The following CCDC112 variants were observed in gnomAD, a reference collection of about 807,000 sequenced individuals.
The protein encoded by CCDC112 is coiled-coil domain-containing protein 112.
Under a neutral mutation model 66.3 loss-of-function variants are expected in CCDC112, and 40 were observed. The ratio of observed to expected loss-of-function variants is 0.60; its 90% CI spans 0.47 to 0.79. CCDC112 has a LOEUF of 0.79. Among genes scored for constraint, CCDC112 ranks in the 30% least tolerant of loss-of-function variants. CCDC112 has a pLI of 0.00. For synonymous variants in CCDC112, 214 were observed against 197.2 expected, an observed-to-expected ratio of 1.09 and a Z score of -0.71; for missense variants, 659 against 603.8, an observed-to-expected ratio of 1.09 and a Z score of -0.96.
intron 2 of CCDC112, among the ~76,000 whole-genome samples, chr5:115,284,407 T>C (rs1394709335): frequency 1.3e-5 from 2 of 152,144 alleles, no homozygotes; most frequent in African/African-American, 4.8e-5. Context: ...AACACTTTCA[T>C]ATACACATAA....
chr5:115,296,340 C>T (rs1750155326), intron 1 of CCDC112, 87 bp downstream of exon 1: 1 of 1,389,402 alleles, frequency 7.2e-7, no homozygotes, highest in South Asian at 1.7e-5. Context: ...CCGCGCCTCC[C>T]GCCGGCGCTG....
Position 115,276,053 on chromosome 5 carries a change from T to C in CCDC112, c.468A>G (p.Arg156=), listed in dbSNP as rs1021272690. The change falls in exon 5 of 10, where the codon AGA becomes AGG. Residue 156 remains arginine (R), a synonymous_variant. Coordinates refer to ENST00000379611, the MANE Select transcript of CCDC112 (RefSeq NM_001040440.3). ...CATTTTCAATTTCTTCCATCATTTC[T>C]CTGAGCTTCTCAACAACTGTAAAAG... ...KPTPDFVEKL[R]EMMEEIENAI... 8.1e-6 allele frequency: 13 copies of C among 1,605,732 alleles called. No homozygotes were observed. The highest frequency in any genetic ancestry group is 1.3e-5 in the African/African-American group (1 of 74,548).
At chr5:115,296,355 G>C (rs994187476) in intron 1 of CCDC112, 72 bp downstream of exon 1, 10 of 1,477,002 alleles carry the variant, frequency 6.8e-6, no homozygotes, top group Non-Finnish European at 8.9e-6. Flanking sequence ...GCGCTGCAGA[G>C]GGCACCTGTT....
In CCDC112 at chr5:115,294,353, G is replaced by C. The variant is rs138949614; in HGVS notation, c.117+2074C>G. The stretch of plus-strand genomic sequence containing the variant: ...GTGGGGACCTAATTTGATAGAACTA[G>C]TGTTCCTATAAGAAGAGATGCCAGA... On this transcript the variant is annotated intron_variant, in intron 1 of 9. Transcript: ENST00000379611. Among the ~76,000 whole-genome samples the C allele has an allele frequency of 2.6e-3, 400 of 152,240 alleles. 3 individuals are homozygous for C. The highest frequency in any genetic ancestry group is 0.01 in the Middle Eastern group (3 of 292).
At chr5:115,295,848 C>T in intron 1 of CCDC112, 1 of 974,964 alleles carries the variant, frequency 1.0e-6, no homozygotes, top group Non-Finnish European at 1.2e-6. Flanking sequence ...CCGCGTAAGG[C>T]GATTCATTTT....
rs746589278 is a variant in CCDC112, at chr5:115,271,162, ATACCTCC to A, written c.1332+44_1332+50del. On this transcript the variant is annotated intron_variant, in intron 7 of 9. Transcript: ENST00000379611. ...TTTTGCTTAACTGAATTTGGAAGTA[ATACCTCC>A]ATGTGTAGCATTTAAAAATTATTTA... The A allele has an allele frequency of 2.7e-6, 4 of 1,489,852 alleles. No homozygotes were observed. The African/African-American group carries it at 5.6e-5, about 21-fold the overall frequency. 92.3% of individuals were successfully genotyped at this position (1,489,852 alleles called of 1,614,324 possible).
chr5:115,295,840 G>T, intron 1 of CCDC112: 1 of 960,022 alleles, frequency 1.0e-6, no homozygotes, highest in Non-Finnish European at 1.2e-6. Context: ...TGGGTGTGCC[G>T]CGTAAGGCGA....
At chr5:115,271,043 C>G (rs1342669970) in intron 7 of CCDC112, among the ~76,000 whole-genome samples, 170 bp downstream of exon 7, 2 of 152,150 alleles carry the variant, frequency 1.3e-5, no homozygotes, top group Non-Finnish European at 2.9e-5. Flanking sequence ...CATATCTTTC[C>G]CACTAGACTA....
chr5:115,291,936 A>G (rs1308512129), intron 1 of CCDC112, among the ~76,000 whole-genome samples: 14 of 152,140 alleles, frequency 9.2e-5, no homozygotes, highest in Admixed American at 6.5e-4. Flanking sequence ...CTTTTTGTCC[A>G]TATTTATTGG....
rs765224646 is a variant in CCDC112 at position 115,296,606 on chromosome 5, C to A, written c.-63G>T. On this transcript the variant is annotated 5_prime_UTR_variant, in exon 1 of 10. Transcript: ENST00000379611. ...GGTGCCTGGGGATTCGTGGCAGGCGCACCCTGGCCTCTGCAGACAGCTCCC... is the reference window on the plus strand; with the variant it reads ...GGTGCCTGGGGATTCGTGGCAGGCGAACCCTGGCCTCTGCAGACAGCTCCC... 70 of 1,396,446 alleles carry A rather than the reference C, an allele frequency of 5.0e-5. No individual in the cohort carries two copies. The highest frequency in any genetic ancestry group is 6.2e-5 in the Non-Finnish European group (67 of 1,079,226). The allele number at this position is 1,396,446 out of a possible 1,614,324, so 86.5% of individuals were successfully genotyped here.
At chr5:115,292,681 T>TA (rs777210684) in intron 1 of CCDC112, among the ~76,000 whole-genome samples, 4 of 152,244 alleles carry the variant, frequency 2.6e-5, no homozygotes, top group Non-Finnish European at 5.9e-5. Context: ...ACTAATTCTG[T>TA]AAAATCTGTA....
At chr5:115,286,895 G>T (rs376248882) in intron 1 of CCDC112, among the ~76,000 whole-genome samples, 8 of 152,064 alleles carry the variant, frequency 5.3e-5, no homozygotes, top group African/African-American at 1.9e-4. Flanking sequence ...AGCCTTGGGG[G>T]ACAGAGCAAC....
chr5:115,275,456 T>G lies in CCDC112; in HGVS notation c.678A>C (p.Pro226=). Residue 226 remains proline (P), a synonymous_variant, in exon 6 of 10, where the codon CCA becomes CCC. Coordinates refer to ENST00000379611, the MANE Select transcript of CCDC112 (RefSeq NM_001040440.3). The part of the protein sequence containing the change: ...SSKVPVDKVT[P]STLPEEVLDF... ...CTAGTACCTCTTCTGGAAGAGTACT[T>G]GGTGTTACTTTGTCTACAGGAACTT... is the stretch of plus-strand genomic sequence containing the variant. 1.9e-6 allele frequency: 3 copies of G among 1,614,084 alleles called. No homozygotes were observed. Among genetic ancestry groups the G allele is most frequent in the Non-Finnish European group, 2.5e-6 (3 of 1,179,976 alleles).
rs188176274 is a variant in CCDC112, at chr5:115,273,901, C to T, written c.918+1315G>A. On this transcript the variant is annotated intron_variant, in intron 6 of 9. Transcript: ENST00000379611. Reference sequence around the variant, plus strand: ...ATGTTTCAAACATTTTTCTTAAAACCCGAGAAGTCAATTTCCCTACATTCA... The same window carrying T: ...ATGTTTCAAACATTTTTCTTAAAACTCGAGAAGTCAATTTCCCTACATTCA... Among the ~76,000 whole-genome samples the T allele has an allele frequency of 2.3e-4, 35 of 152,144 alleles. No individual in the cohort carries two copies. The East Asian group carries it at 6.2e-3, about 27-fold the overall frequency.
chr5:115,295,088 A>C (rs1750092016), intron 1 of CCDC112, among the ~76,000 whole-genome samples: 2 of 152,042 alleles, frequency 1.3e-5, no homozygotes, highest in South Asian at 4.1e-4. Flanking sequence ...CAGCCCCTCA[A>C]CACCCCCCTG....
chr5:115,282,323 GT>G (rs1299601136), intron 2 of CCDC112, among the ~76,000 whole-genome samples: 1 of 152,110 alleles, frequency 6.6e-6, no homozygotes. Context: ...TGATTCAGCA[GT>G]TTTACCTCTC....
Position 115,271,459 on chromosome 5 carries a change from C to T in CCDC112, c.1086G>A (p.Lys362=). 1.2e-6 allele frequency: 2 copies of T among 1,612,666 alleles called. No individual in the cohort carries two copies. Among genetic ancestry groups the T allele is most frequent in the Non-Finnish European group, 1.7e-6 (2 of 1,179,724 alleles). The change falls in exon 7 of 10, where the codon AAG becomes AAA. Residue 362 remains lysine, a synonymous_variant. Coordinates refer to ENST00000379611, the MANE Select transcript of CCDC112 (RefSeq NM_001040440.3). ...TTGACATTTCTATACTTTTCTGTTT[C>T]TTCCAAGCTTCAACTGCCAATTTCT... ...KKQKLAVEAW[K]KQKSIEMSMK...
In CCDC112 at chr5:115,286,696, G is replaced by A. The variant is rs144917205; in HGVS notation, c.118-1788C>T. Among the ~76,000 whole-genome samples, 949 of 152,164 alleles carry A rather than the reference G, an allele frequency of 6.2e-3. 13 individuals carry two copies. The highest frequency in any genetic ancestry group is 0.022 in the African/African-American group (909 of 41,508). ...GGAGGCCAAGGTGGGAGAATAGCTT[G>A]AGCTCAGGAGTTTGAGACCAGCCTG... On this transcript the variant is annotated intron_variant, in intron 1 of 9. Coordinates refer to ENST00000379611, the MANE Select transcript of CCDC112 (RefSeq NM_001040440.3).
rs1259319287 is a variant in CCDC112 at position 115,271,473 on chromosome 5, C to A, written c.1072G>T (p.Val358Phe). 1.2e-6 allele frequency: 2 copies of A among 1,612,896 alleles called. No individual in the cohort carries two copies. Among genetic ancestry groups the A allele is most frequent in the Non-Finnish European group, 1.7e-6 (2 of 1,179,786 alleles). ...EEQRKKQKLA[V>F]EAWKKQKSIE... ...CTTTTCTGTTTCTTCCAAGCTTCAA[C>A]TGCCAATTTCTGTTTCTTTCTTTGT... The change falls in exon 7 of 10, where the codon GTT becomes TTT. Residue 358 changes from valine to phenylalanine, a missense_variant. Physicochemically the swap from Val to Phe is conservative, Grantham distance 50 (BLOSUM62 -1). Coordinates refer to ENST00000379611, the MANE Select transcript of CCDC112 (RefSeq NM_001040440.3).
Sources: allele counts gnomAD v4.1 joint callset (sites outside exome capture counted in the v4.1 genomes callset), GRCh38; gene constraint gnomAD v4.1.1; transcripts MANE v1.5; gene names NCBI Gene and HGNC (gene_info 2026-07-23, HGNC 2026-07-21).